AHCYL2: variants seen among roughly 807,000 people sequenced by gnomAD.
AHCYL2 encodes adenosylhomocysteinase like 2.
Under a neutral mutation model 81.4 loss-of-function variants are expected in AHCYL2, and 28 were observed. The observed-to-expected ratio is 0.34, with a 90% CI of 0.25 to 0.47. AHCYL2 has a LOEUF of 0.47. Among genes scored for constraint, AHCYL2 ranks in the 20% least tolerant of loss-of-function variants. The pLI, the probability that AHCYL2 is intolerant of heterozygous loss-of-function variation, is 1.00. For synonymous variants in AHCYL2, 272 were observed against 290.2 expected, an observed-to-expected ratio of 0.94 and a Z score of 0.64; for missense variants, 551 against 785.1, an observed-to-expected ratio of 0.70 and a Z score of 3.56.
At chr7:129,300,116 A>G (rs908617627) in intron 1 of AHCYL2, among the ~76,000 whole-genome samples, 3 of 152,222 alleles carry the variant, frequency 2.0e-5, no homozygotes, top group South Asian at 4.1e-4. Flanking sequence ...GAGGGTATCT[A>G]TCAACTCAAC....
At chr7:129,279,321 T>C (rs1198398951) in intron 1 of AHCYL2, among the ~76,000 whole-genome samples, 4 of 152,126 alleles carry the variant, frequency 2.6e-5, no homozygotes, top group Admixed American at 2.6e-4. Flanking sequence ...GGCTAATTTT[T>C]GTATTTTTAA....
At chr7:129,389,343 A>G (rs1795353096) in intron 3 of AHCYL2, 144 bp downstream of exon 3, 5 of 1,038,858 alleles carry the variant, frequency 4.8e-6, no homozygotes, top group Non-Finnish European at 7.0e-6. Flanking sequence ...GAGTTCAAGA[A>G]ACACTGGGGA....
chr7:129,275,100 T>C (rs997492323), intron 1 of AHCYL2, among the ~76,000 whole-genome samples: 1 of 152,144 alleles, frequency 6.6e-6, no homozygotes, highest in African/African-American at 2.4e-5. Context: ...AACTGGAACA[T>C]GGCCAGGCGC....
At chr7:129,274,365 G>A (rs933284030) in intron 1 of AHCYL2, among the ~76,000 whole-genome samples, 2 of 152,180 alleles carry the variant, frequency 1.3e-5, no homozygotes, top group Non-Finnish European at 2.9e-5. Flanking sequence ...TTTAGATATC[G>A]AGATTCTGGA....
chr7:129,400,721 C>T (rs1584884281), intron 6 of AHCYL2, among the ~76,000 whole-genome samples: 1 of 152,132 alleles, frequency 6.6e-6, no homozygotes, highest in Admixed American at 6.5e-5. Flanking sequence ...CTTCCCACCC[C>T]TTACAACAAC....
chr7:129,340,656 G>T (rs542698616), intron 1 of AHCYL2, among the ~76,000 whole-genome samples: 6 of 150,380 alleles, frequency 4.0e-5, no homozygotes, highest in Non-Finnish European at 5.9e-5. Context: ...TTCTTCTGTT[G>T]AAATTTTAAA....
chr7:129,319,346 G>A (rs925125186), intron 1 of AHCYL2, among the ~76,000 whole-genome samples: 3 of 151,894 alleles, frequency 2.0e-5, no homozygotes, highest in South Asian at 2.1e-4. Context: ...TCCCAACTAC[G>A]TAGGAGGCTC....
intron 1 of AHCYL2, among the ~76,000 whole-genome samples, chr7:129,285,141 C>G (rs1796584091): frequency 6.6e-6 from 1 of 152,198 alleles, no homozygotes; most frequent in Non-Finnish European, 1.5e-5. Context: ...CTTTTGCTTT[C>G]TCTCCCATCT....
chr7:129,369,724 G>T (rs1327340772), intron 1 of AHCYL2, among the ~76,000 whole-genome samples: 2 of 151,850 alleles, frequency 1.3e-5, no homozygotes, highest in Non-Finnish European at 2.9e-5. Flanking sequence ...GGTAATTTTT[G>T]TATTTTTGGT....
intron 1 of AHCYL2, among the ~76,000 whole-genome samples, chr7:129,249,882 A>T (rs1795192694): frequency 1.3e-5 from 2 of 152,162 alleles, no homozygotes; most frequent in African/African-American, 2.4e-5. Flanking sequence ...TTCATATTGT[A>T]GCCTGTATTA....
chr7:129,331,920 C>A (rs1349210343), intron 1 of AHCYL2, among the ~76,000 whole-genome samples: 3 of 151,430 alleles, frequency 2.0e-5, no homozygotes, highest in Admixed American at 6.6e-5. Flanking sequence ...ACAATCATTT[C>A]TTATTTCATT....
In AHCYL2 at chr7:129,403,413, T is replaced by C. The variant is rs781422539; in HGVS notation, c.953T>C (p.Ile318Thr). Reference sequence around the variant, plus strand: ...GATGGAGGGGATCTTACCCACTGGATTTATAAAAAGTATCCCAACATGTTT... The same window carrying C: ...GATGGAGGGGATCTTACCCACTGGACTTATAAAAAGTATCCCAACATGTTT... ...LDDGGDLTHW[I>T]YKKYPNMFKK... Residue 318 changes from isoleucine to threonine, a missense_variant, in exon 7 of 17, where the codon ATT (isoleucine) becomes ACT (threonine). Physicochemically the swap from Ile to Thr is moderately conservative, Grantham distance 89. This residue lies in a region of AHCYL2 where 316 missense variants were observed against 543.1 expected (regional missense o/e 0.58). Coordinates refer to ENST00000325006, the MANE Select transcript of AHCYL2 (RefSeq NM_015328.4). 13 of 1,611,280 alleles carry C rather than the reference T, an allele frequency of 8.1e-6. No individual in the cohort carries two copies. The Admixed American group carries it at 2.2e-4, about 27-fold the overall frequency.
At chr7:129,283,961 T>A (rs2566887) in intron 1 of AHCYL2, among the ~76,000 whole-genome samples, 19,008 of 152,190 alleles carry the variant, frequency 0.12, 1,532 homozygotes, top group African/African-American at 0.24. Context: ...TTTAAAAAAT[T>A]TTAATATCTT....
chr7:129,342,948 T>G (rs557400606), intron 1 of AHCYL2, among the ~76,000 whole-genome samples: 1 of 152,322 alleles, frequency 6.6e-6, no homozygotes, highest in East Asian at 1.9e-4. Context: ...CATTTACATC[T>G]TTTAATTATG....
At chr7:129,333,576 G>T (rs534580223) in intron 1 of AHCYL2, among the ~76,000 whole-genome samples, 1 of 152,260 alleles carries the variant, frequency 6.6e-6, no homozygotes, top group Admixed American at 6.5e-5. Context: ...GTTATTATGA[G>T]AAGAGAAAAG....
At chr7:129,290,836 A>AG (rs1185742734) in intron 1 of AHCYL2, among the ~76,000 whole-genome samples, 1 of 151,586 alleles carries the variant, frequency 6.6e-6, no homozygotes, top group Non-Finnish European at 1.5e-5. Context: ...AGGCTGAGGC[A>AG]GGAGAATCGC....
At chr7:129,301,928 T>A (rs190087734) in intron 1 of AHCYL2, among the ~76,000 whole-genome samples, 109 of 152,260 alleles carry the variant, frequency 7.2e-4, no homozygotes, top group African/African-American at 2.5e-3. Context: ...ATCTATAGAT[T>A]CAGTGCAATC....
chr7:129,418,372 T>C (rs1796957253), intron 12 of AHCYL2, among the ~76,000 whole-genome samples: 1 of 152,132 alleles, frequency 6.6e-6, no homozygotes, highest in Non-Finnish European at 1.5e-5. Context: ...CAATCTCGGC[T>C]CACTGCAACC....
At chr7:129,353,570 T>G (rs1793640684) in intron 1 of AHCYL2, among the ~76,000 whole-genome samples, 1 of 151,234 alleles carries the variant, frequency 6.6e-6, no homozygotes, top group Non-Finnish European at 1.5e-5. Flanking sequence ...TTACTTAATT[T>G]TTTATCCGTC....
Sources: gnomAD v4.1 joint callset for allele counts (sites outside exome capture counted in the v4.1 genomes callset) on GRCh38, gnomAD v4.1.1 for gene constraint, gnomAD v4.1.1 regional missense constraint, MANE v1.5 for transcripts, NCBI Gene and HGNC (gene_info 2026-07-23, HGNC 2026-07-21) for gene names.